Variants in KLF8 observed in about 807,000 individuals in gnomAD.
KLF8 encodes the protein Krueppel-like factor 8.
Under a neutral mutation model 18.2 loss-of-function variants are expected in KLF8, and 10 were observed. That is an observed-to-expected ratio of 0.55 (90% CI 0.34 to 0.93). The LOEUF is 0.93. Ranked by LOEUF, KLF8 falls within the 40% of genes least tolerant of loss-of-function variation. The pLI, the probability that KLF8 is intolerant of heterozygous loss-of-function variation, is 0.02. For missense variants in KLF8, 264 were observed against 277.9 expected (o/e 0.95, Z 0.36); for synonymous variants, 109 against 97.3 (o/e 1.12, Z -0.71).
At chrX:55,962,680 G>A in the KLF8 span, among the ~76,000 whole-genome samples, 1 of 112,262 alleles carries the variant, frequency 8.9e-6, no homozygotes, top group Non-Finnish European at 1.9e-5. Flanking sequence ...TCCATGTTTG[G>A]TGTCTGGAAC....
the KLF8 span, among the ~76,000 whole-genome samples, chrX:56,223,088 G>A: frequency 1.8e-5 from 2 of 113,240 alleles, no homozygotes; most frequent in Non-Finnish European, 3.7e-5. Context: ...CCAGGGCTGC[G>A]AGGGCTGCCA....
intron 1 of KLF8, among the ~76,000 whole-genome samples, chrX:56,246,599 G>A (rs558234911): frequency 8.9e-6 from 1 of 111,841 alleles, no homozygotes; most frequent in African/African-American, 3.2e-5. Context: ...TGTGATTCTA[G>A]GCACTCACTC....
intron 1 of KLF8, among the ~76,000 whole-genome samples, chrX:56,242,774 C>T (rs779506926): frequency 4.5e-5 from 5 of 111,680 alleles, no homozygotes; most frequent in Non-Finnish European, 9.4e-5. Flanking sequence ...ATGTTTTCTC[C>T]TCTTAAATTC....
At chrX:56,273,685 T>G (rs774513333) in intron 5 of KLF8, among the ~76,000 whole-genome samples, 7 of 111,827 alleles carry the variant, frequency 6.3e-5, no homozygotes, top group Non-Finnish European at 1.3e-4. Context: ...GTGTGACCTT[T>G]GCCTTGGAGA....
chrX:56,104,604 TTTTATTC>T, the KLF8 span, among the ~76,000 whole-genome samples: 6 of 111,834 alleles, frequency 5.4e-5, no homozygotes, highest in Non-Finnish European at 1.1e-4. Flanking sequence ...TTCTTCTCTC[TTTTATTC>T]TTTTTTAGTC....
intron 2 of KLF8, among the ~76,000 whole-genome samples, chrX:56,264,339 T>TAATGTATTTATTGTTTTTTTAAACTAATA (rs2066931634): frequency 9.5e-5 from 10 of 105,388 alleles, no homozygotes; most frequent in African/African-American, 2.6e-4. Context: ...TTTTTTAAAC[T>TAATGTATTTATTGTTTTTTTAAACTAATA]AATGTATTTA....
chrX:55,942,263 A>T, the KLF8 span, among the ~76,000 whole-genome samples: 1 of 110,793 alleles, frequency 9.0e-6, no homozygotes, highest in Non-Finnish European at 1.9e-5. Context: ...AAACTATCGC[A>T]AGGACAAAAA....
the KLF8 span, among the ~76,000 whole-genome samples, chrX:56,183,719 C>A: frequency 9.0e-6 from 1 of 111,275 alleles, no homozygotes; most frequent in Non-Finnish European, 1.9e-5. Flanking sequence ...ATAAGGAAGA[C>A]AGGAAGAAAG....
chrX:55,991,977 G>A, the KLF8 span, among the ~76,000 whole-genome samples: 1 of 111,904 alleles, frequency 8.9e-6, no homozygotes, highest in South Asian at 3.7e-4. Context: ...TTAATTTGTT[G>A]AAGTTCCTTA....
chrX:55,942,065 C>A, the KLF8 span, among the ~76,000 whole-genome samples: 1 of 111,497 alleles, frequency 9.0e-6, no homozygotes, highest in Non-Finnish European at 1.9e-5. Flanking sequence ...GACACATGCA[C>A]ACGTATGTTG....
chrX:56,181,244 G>T, the KLF8 span, among the ~76,000 whole-genome samples: 2 of 110,805 alleles, frequency 1.8e-5, no homozygotes, highest in Non-Finnish European at 3.8e-5. Context: ...TTTGATCTTT[G>T]TTGGTTTAAA....
the KLF8 span, among the ~76,000 whole-genome samples, chrX:56,145,706 C>T: frequency 9.0e-6 from 1 of 111,476 alleles, no homozygotes; most frequent in South Asian, 3.7e-4. Context: ...TGTAACAAAC[C>T]TGCATGTTGT....
chrX:55,939,930 C>T, the KLF8 span, among the ~76,000 whole-genome samples: 1 of 111,699 alleles, frequency 9.0e-6, no homozygotes, highest in East Asian at 2.8e-4. Flanking sequence ...GATTCACAGC[C>T]GAATTCTACC....
At chrX:55,930,544 T>A in the KLF8 span, among the ~76,000 whole-genome samples, 5 of 112,122 alleles carry the variant, frequency 4.5e-5, no homozygotes, top group Non-Finnish European at 9.4e-5. Context: ...TTGTATTATT[T>A]TGAGATACGT....
chrX:55,914,748 A>G, the KLF8 span, among the ~76,000 whole-genome samples: 1 of 111,504 alleles, frequency 9.0e-6, no homozygotes, highest in African/African-American at 3.3e-5. Flanking sequence ...GAGATATGCT[A>G]TGTTCAGGAA....
chrX:56,002,905 T>C, the KLF8 span, among the ~76,000 whole-genome samples: 1 of 112,239 alleles, frequency 8.9e-6, no homozygotes, highest in Non-Finnish European at 1.9e-5. Context: ...GAATGCAGAA[T>C]ATCCAATGCT....
At chrX:56,127,485 A>T in the KLF8 span, among the ~76,000 whole-genome samples, 1 of 110,239 alleles carries the variant, frequency 9.1e-6, no homozygotes, top group Non-Finnish European at 1.9e-5. Context: ...ACATGGTGAG[A>T]CCCTGTCTTT....
At chrX:56,182,272 A>G in the KLF8 span, among the ~76,000 whole-genome samples, 7 of 112,377 alleles carry the variant, frequency 6.2e-5, no homozygotes, top group Non-Finnish European at 1.3e-4. Context: ...AAGCTTGTGC[A>G]TTCGTCACGT....
chrX:56,078,178 G>A, the KLF8 span, among the ~76,000 whole-genome samples: 5 of 111,663 alleles, frequency 4.5e-5, no homozygotes, highest in Non-Finnish European at 7.5e-5. Context: ...CCAACAGTAC[G>A]TTGAATAGGA....
Sources: gnomAD v4.1 joint callset for allele counts (sites outside exome capture counted in the v4.1 genomes callset) on GRCh38, gnomAD v4.1.1 for gene constraint, MANE v1.5 for transcripts, NCBI Gene and HGNC (gene_info 2026-07-23, HGNC 2026-07-21) for gene names.